SCARB2: variants seen among roughly 807,000 people sequenced by gnomAD.
The protein encoded by SCARB2 is scavenger receptor class B member 2.
In SCARB2, 29 loss-of-function variants were observed where a neutral mutation model predicts 58.6. That is an observed-to-expected ratio of 0.49 (90% CI 0.37 to 0.67). SCARB2 has a LOEUF of 0.67. Among genes scored for constraint, SCARB2 ranks in the 30% least tolerant of loss-of-function variants. The probability of loss-of-function intolerance (pLI) is 0.00; values close to 1 mark genes in which losing one functional copy is unlikely to be tolerated. For synonymous variants in SCARB2, 195 were observed against 210.1 expected (o/e 0.93, Z 0.62); for missense variants, 488 against 578.5 (o/e 0.84, Z 1.60).
Position 76,233,714 on chromosome 4 carries a change from A to G in SCARB2, c.-358+589T>C, listed in dbSNP as rs567653560. Among the ~76,000 whole-genome samples, 103 of 152,248 alleles carry G rather than the reference A, an allele frequency of 6.8e-4. No homozygotes were observed. The South Asian group carries it at 0.021, about 31-fold the overall frequency. On this transcript the variant is annotated intron_variant, in intron 1 of 11. Transcript: ENST00000638295. ...AGGGCTAGGAAAACATCCAGATACC[A>G]ACCACAGCAGGCTCATCCCCTAAGG...
chr4:76,227,169 G>A (rs1733412720), intron 1 of SCARB2, among the ~76,000 whole-genome samples: 1 of 152,122 alleles, frequency 6.6e-6, no homozygotes, highest in African/African-American at 2.4e-5. Flanking sequence ...AAAGTTTGAT[G>A]AACTTTCCTC....
intron 4 of SCARB2, 167 bp from the exon 5 acceptor site, chr4:76,176,695 A>G (rs1732258114): frequency 3.4e-6 from 2 of 590,100 alleles, no homozygotes; most frequent in South Asian, 4.1e-5. Flanking sequence ...AAGGGAGGTT[A>G]CCCTCAATAA....
intron 1 of SCARB2, among the ~76,000 whole-genome samples, chr4:76,220,958 C>T (rs1733295876): frequency 6.6e-6 from 1 of 152,162 alleles, no homozygotes; most frequent in African/African-American, 2.4e-5. Context: ...CTGGGGATGG[C>T]AGCTTCCTCC....
intron 4 of SCARB2, 30 bp from the exon 5 acceptor site, chr4:76,176,558 G>T (rs758566226): frequency 6.9e-7 from 1 of 1,452,952 alleles, no homozygotes; most frequent in East Asian, 2.3e-5. Context: ...ATCATTTAAA[G>T]TAACTGTGAT....
chr4:76,161,777 G>T, intron 11 of SCARB2, 26 bp from the exon 12 acceptor site: 1 of 1,613,672 alleles, frequency 6.2e-7, no homozygotes, highest in South Asian at 1.1e-5. Context: ...GAGAAAACAA[G>T]TTAGATGTTC....
At chr4:76,169,814 GTA>G in intron 8 of SCARB2, 51 bp downstream of exon 8, 2 of 1,371,654 alleles carry the variant, frequency 1.5e-6, no homozygotes, top group Non-Finnish European at 2.1e-6. Context: ...GGTGAACAAT[GTA>G]TAGACAGAAT....
intron 1 of SCARB2, 92 bp downstream of exon 1, chr4:76,213,335 A>G: frequency 1.1e-6 from 1 of 871,378 alleles, no homozygotes; most frequent in Non-Finnish European, 1.9e-6. Context: ...GGTCTGCCTG[A>G]GTGCTGGTCT....
chr4:76,176,058 A>AG (rs980983010), intron 5 of SCARB2, 148 bp from the exon 6 acceptor site: 70 of 1,005,706 alleles, frequency 7.0e-5, no homozygotes, highest in Non-Finnish European at 8.9e-5. Context: ...AATTAGATCA[A>AG]GGGGGAGAAA....
Position 76,189,596 on chromosome 4 carries a change from C to T in SCARB2, c.275+6111G>A, listed in dbSNP as rs1732560714. Reference sequence around the variant, plus strand: ...CTCCGGGGTTCAAGTGATTCTCCTGCCTTAGCCGGTGTGTGCCACCACACC... The same window carrying T: ...CTCCGGGGTTCAAGTGATTCTCCTGTCTTAGCCGGTGTGTGCCACCACACC... On this transcript the variant is annotated intron_variant, in intron 2 of 11. Transcript: ENST00000264896. Among the ~76,000 whole-genome samples the T allele has an allele frequency of 2.6e-5, 4 of 152,044 alleles. 1 individual carries two copies. In the South Asian group the frequency reaches 8.3e-4, roughly 32 times the overall value.
At position 76,166,238 on chromosome 4, in the gene SCARB2, C is replaced by T. The variant is rs755348613; in HGVS notation, c.1239+12G>A. 4.3e-5 allele frequency: 69 copies of T among 1,613,936 alleles called. No individual in the cohort carries two copies. The East Asian group carries it at 1.5e-3, about 35-fold the overall frequency. On this transcript the variant is annotated intron_variant, in intron 10 of 11. Transcript: ENST00000264896. ...TGAAAACACCCGTGGCTCCCTCCGT[C>T]TCAGGACTTACCTCATTGAGGTACA... is the stretch of plus-strand genomic sequence containing the variant.
At chr4:76,228,593 CTTAT>C (rs1733441228) in intron 1 of SCARB2, among the ~76,000 whole-genome samples, 1 of 152,004 alleles carries the variant, frequency 6.6e-6, no homozygotes, top group East Asian at 1.9e-4. Context: ...TACTTTATCT[CTTAT>C]TTATTTATGA....
rs996113748 is a variant in SCARB2 at position 76,181,748 on chromosome 4, T to C, written c.276-647A>G. ...CCCAGCTAATTGTTTTATTTTTTTGTAGAGATGAGGTCTTACTATGCTACC... is the reference window on the plus strand; with the variant it reads ...CCCAGCTAATTGTTTTATTTTTTTGCAGAGATGAGGTCTTACTATGCTACC... On this transcript the variant is annotated intron_variant, in intron 2 of 11. Coordinates refer to ENST00000264896, the MANE Select transcript of SCARB2 (RefSeq NM_005506.4). 3.3e-5 allele frequency among the ~76,000 whole-genome samples: 5 copies of C among 152,036 alleles called. No individual in the cohort carries two copies. In the East Asian group the frequency reaches 9.6e-4, roughly 29 times the overall value.
chr4:76,198,871 T>C (rs1316363402), intron 1 of SCARB2, among the ~76,000 whole-genome samples: 1 of 151,632 alleles, frequency 6.6e-6, no homozygotes, highest in Non-Finnish European at 1.5e-5. Context: ...TGTGTGTGTG[T>C]GTGCTCATGC....
intron 2 of SCARB2, among the ~76,000 whole-genome samples, chr4:76,189,439 AAGG>A (rs1732554763): frequency 6.6e-6 from 1 of 151,918 alleles, no homozygotes; most frequent in Non-Finnish European, 1.5e-5. Context: ...TGGCAGCAGC[AAGG>A]AGAAGTGCCC....
intron 1 of SCARB2, among the ~76,000 whole-genome samples, chr4:76,224,832 G>A (rs1339954463): frequency 6.6e-6 from 1 of 152,066 alleles, no homozygotes; most frequent in Non-Finnish European, 1.5e-5. Flanking sequence ...AGATTTCTGA[G>A]ATTTTGGTGC....
intron 2 of SCARB2, among the ~76,000 whole-genome samples, chr4:76,184,463 C>T (rs72857046): frequency 0.11 from 16,670 of 152,242 alleles, 1,129 homozygotes; most frequent in East Asian, 0.21. Context: ...ATTTGTTAGA[C>T]AACCATTCCG....
intron 3 of SCARB2, chr4:76,180,204 T>G (rs1295739429): frequency 5.6e-6 from 1 of 178,822 alleles, no homozygotes; most frequent in Non-Finnish European, 1.2e-5. Context: ...TGAATTAGAA[T>G]GTTTACTGGG....
At chr4:76,214,352 A>T (rs763823249), upstream of SCARB2, 39 of 452,870 alleles carry the variant, frequency 8.6e-5, no homozygotes, top group Non-Finnish European at 1.7e-4. Flanking sequence ...TAAGTTTGTC[A>T]CGTAAGGGGC....
chr4:76,169,779 TTTAAA>T, intron 8 of SCARB2, 83 bp downstream of exon 8: 1 of 1,110,154 alleles, frequency 9.0e-7, no homozygotes, highest in Non-Finnish European at 1.4e-6. Flanking sequence ...TAAGGATATT[TTTAAA>T]GAAGGCTCAG....
Sources: allele counts gnomAD v4.1 joint callset (sites outside exome capture counted in the v4.1 genomes callset), GRCh38; gene constraint gnomAD v4.1.1; transcripts MANE v1.5; gene names NCBI Gene and HGNC (gene_info 2026-07-23, HGNC 2026-07-21).